The following FEZ1 variants were observed in gnomAD, a reference collection of about 807,000 sequenced individuals.
FEZ1 encodes the protein fasciculation and elongation protein zeta 1.
Under a neutral mutation model 49.3 loss-of-function variants are expected in FEZ1, and 20 were observed. The observed-to-expected ratio is 0.41, with a 90% CI of 0.29 to 0.59. The LOEUF is 0.59. FEZ1 is among the 20% of genes least tolerant of loss of function. The pLI is 0.36. For missense variants in FEZ1, 413 were observed against 476.0 expected, an observed-to-expected ratio of 0.87 and a Z score of 1.23; for synonymous variants, 170 against 180.9, an observed-to-expected ratio of 0.94 and a Z score of 0.48.
rs998577234 is a variant in FEZ1, at chr11:125,447,753, C to T, written c.1162+749G>A. Among the ~76,000 whole-genome samples the T allele has an allele frequency of 8.7e-5, 13 of 149,372 alleles. No homozygotes were observed. The Admixed American group carries it at 8.8e-4, about 10-fold the overall frequency. On this transcript the variant is annotated intron_variant, in intron 9 of 9. Coordinates refer to ENST00000278919, the MANE Select transcript of FEZ1 (RefSeq NM_005103.5). ...AGGAGAATTGCTTGAATCCAGGAGG[C>T]GGAGGTTGTAGTGAGCTGAGATCAC...
intron 3 of FEZ1, among the ~76,000 whole-genome samples, chr11:125,473,818 CAAAAAAA>C (rs141159400): frequency 2.0e-5 from 2 of 102,108 alleles, no homozygotes; most frequent in Admixed American, 1.0e-4. Context: ...GACTCCATTT[CAAAAAAA>C]AAAAAAAAAA....
intron 4 of FEZ1, among the ~76,000 whole-genome samples, chr11:125,461,933 C>G (rs192879361): frequency 2.9e-4 from 44 of 152,346 alleles, no homozygotes; most frequent in African/African-American, 8.9e-4. Context: ...CAGAATGCAA[C>G]CAAATGACAC....
In FEZ1 at chr11:125,489,483, TCTC is replaced by T. The variant is rs1319083074; in HGVS notation, c.292_294del (p.Glu98del). 8 of 1,612,924 alleles carry T rather than the reference TCTC, an allele frequency of 5.0e-6. No homozygotes were observed. Among genetic ancestry groups the T allele is most frequent in the Non-Finnish European group, 6.8e-6 (8 of 1,179,626 alleles). On this transcript the variant is annotated inframe_deletion, in exon 2 of 10. Coordinates refer to ENST00000278919, the MANE Select transcript of FEZ1 (RefSeq NM_005103.5). The surrounding 1 kb of genome is among the most constrained non-coding windows in gnomAD (Gnocchi z 4.2). ...ACTTCTTACTCCTCGTCCTGAAGGGTCTCCTCCTCCTCTTGGATCTGTAACTGG... is the reference window on the plus strand; with the variant it reads ...ACTTCTTACTCCTCGTCCTGAAGGGTCTCCTCCTCTTGGATCTGTAACTGG...
intron 3 of FEZ1, among the ~76,000 whole-genome samples, chr11:125,466,747 T>C (rs745825308): frequency 9.7e-4 from 148 of 152,318 alleles, no homozygotes; most frequent in Non-Finnish European, 1.8e-3. Flanking sequence ...TTGCTAAATC[T>C]TGCTGCACAG....
rs539663953 is a variant in FEZ1 at position 125,478,580 on chromosome 11, T to C, written c.411+2954A>G. Among the ~76,000 whole-genome samples the C allele has an allele frequency of 2.0e-5, 3 of 152,378 alleles. No individual in the cohort carries two copies. The East Asian group carries it at 5.8e-4, about 29-fold the overall frequency. ...GTTTTACAGAAGGAATACAGAGCACTGGTTAATCTGGTAAATCGTTTAAAC... is the reference window on the plus strand; with the variant it reads ...GTTTTACAGAAGGAATACAGAGCACCGGTTAATCTGGTAAATCGTTTAAAC... On this transcript the variant is annotated intron_variant, in intron 3 of 9. Coordinates refer to ENST00000278919, the MANE Select transcript of FEZ1 (RefSeq NM_005103.5).
chr11:125,461,660 A>ATAAAGAAG (rs1434257448), intron 4 of FEZ1, among the ~76,000 whole-genome samples: 1 of 152,238 alleles, frequency 6.6e-6, no homozygotes. Flanking sequence ...TTATTTACAA[A>ATAAAGAAG]TAAAGAAGAC....
rs780966312 is a variant in FEZ1, at chr11:125,443,557, G to A, written c.*2538C>T. ...AGAAGAGCTGCCTCCCTTTTAAAGG[G>A]AGACCTTGTTAAAATGCAAATTCTG... is the stretch of plus-strand genomic sequence containing the variant. On this transcript the variant is annotated 3_prime_UTR_variant, in exon 10 of 10. Coordinates refer to ENST00000278919, the MANE Select transcript of FEZ1 (RefSeq NM_005103.5). 1.3e-5 allele frequency among the ~76,000 whole-genome samples: 2 copies of A among 152,202 alleles called. No homozygotes were observed. Among genetic ancestry groups the A allele is most frequent in the South Asian group, 4.1e-4 (2 of 4,836 alleles).
At chr11:125,457,477 T>C (rs1957027830) in intron 5 of FEZ1, among the ~76,000 whole-genome samples, 1 of 59,936 alleles carries the variant, frequency 1.7e-5, no homozygotes, top group Non-Finnish European at 3.8e-5. Context: ...TATATGTATA[T>C]ATACACATAT....
Position 125,443,900 on chromosome 11 carries a change from C to T in FEZ1, c.*2195G>A, listed in dbSNP as rs904996911. Among the ~76,000 whole-genome samples, 1 of 152,138 alleles carries T rather than the reference C, an allele frequency of 6.6e-6. No individual in the cohort carries two copies. Among genetic ancestry groups the T allele is most frequent in the African/African-American group, 2.4e-5 (1 of 41,434 alleles). ...CTCTGCCGCTTCAGACACCTGCTGG[C>T]AGGATAAATTGGGGGAAAGGAGTGG... On this transcript the variant is annotated 3_prime_UTR_variant, in exon 10 of 10. Coordinates refer to ENST00000278919, the MANE Select transcript of FEZ1 (RefSeq NM_005103.5).
chr11:125,457,438 A>ATG (rs1276000440), intron 5 of FEZ1, among the ~76,000 whole-genome samples: 100 of 85,782 alleles, frequency 1.2e-3, no homozygotes, highest in Middle Eastern at 5.2e-3. Flanking sequence ...AAATATATAT[A>ATG]TATATATATA....
intron 4 of FEZ1, 88 bp from the exon 5 acceptor site, chr11:125,460,754 A>T: frequency 8.9e-7 from 1 of 1,120,756 alleles, no homozygotes; most frequent in African/African-American, 1.6e-5. Context: ...GGATGTTCCT[A>T]ATTAGCTATC....
At chr11:125,485,670 T>C (rs1219410036) in intron 2 of FEZ1, among the ~76,000 whole-genome samples, 1 of 151,974 alleles carries the variant, frequency 6.6e-6, no homozygotes, top group African/African-American at 2.4e-5. Context: ...GCGTGGTGGC[T>C]CACGCCTGTA....
intron 9 of FEZ1, among the ~76,000 whole-genome samples, chr11:125,446,377 T>C (rs1956899237): frequency 6.6e-6 from 1 of 152,236 alleles, no homozygotes. Context: ...CACCTTTCCA[T>C]GCTTGTTTCT....
chr11:125,489,699 G>A lies in FEZ1; in HGVS notation c.79C>T (p.Pro27Ser), dbSNP rs772788152. ...PSCSEDPEEK[P>S]QCFYGSSPHH... ...GGAGATGAACCATAGAAACACTGGG[G>A]CTTCTCCTCCGGGTCCTCCGAGCAG... Residue 27 changes from proline to serine, a missense_variant, in exon 2 of 10, where the codon CCC (proline) becomes TCC (serine). Pro to Ser is a moderately conservative substitution (Grantham distance 74). Transcript: ENST00000278919. The surrounding 1 kb of genome is among the most constrained non-coding windows in gnomAD (Gnocchi z 4.2). 6 of 1,612,866 alleles carry A rather than the reference G, an allele frequency of 3.7e-6. No homozygotes were observed. The East Asian group carries it at 1.3e-4, about 36-fold the overall frequency.
rs531452311 is a variant in FEZ1, at chr11:125,463,811, G to A, written c.412-241C>T. 4.6e-5 allele frequency among the ~76,000 whole-genome samples: 7 copies of A among 152,290 alleles called. No individual in the cohort carries two copies. The South Asian group carries it at 8.3e-4, about 18-fold the overall frequency. On this transcript the variant is annotated intron_variant, in intron 3 of 9. Coordinates refer to ENST00000278919, the MANE Select transcript of FEZ1 (RefSeq NM_005103.5). ...TGAATCCAACTTGGCAGGAAAAGAC[G>A]ACAGGGGAATGGCCAGCACCATTCT...
In FEZ1 at chr11:125,444,174, G is replaced by A. The variant is rs895892715; in HGVS notation, c.*1921C>T. 1.3e-5 allele frequency among the ~76,000 whole-genome samples: 2 copies of A among 152,192 alleles called. No individual in the cohort carries two copies. The highest frequency in any genetic ancestry group is 4.8e-5 in the African/African-American group (2 of 41,444). Reference sequence around the variant, plus strand: ...CTGTGGCAGCCGGGGCTCTATCTATGGAGAAGCTCTGCTCTGGGCAGATGC... The same window carrying A: ...CTGTGGCAGCCGGGGCTCTATCTATAGAGAAGCTCTGCTCTGGGCAGATGC... On this transcript the variant is annotated 3_prime_UTR_variant, in exon 10 of 10. Transcript: ENST00000278919.
At chr11:125,468,716 G>T (rs546347311) in intron 3 of FEZ1, among the ~76,000 whole-genome samples, 1 of 152,242 alleles carries the variant, frequency 6.6e-6, no homozygotes, top group African/African-American at 2.4e-5. Flanking sequence ...GCTCAGCAGG[G>T]TTAAACTTGG....
Position 125,495,425 on chromosome 11 carries a change from G to C in FEZ1, c.-46+696C>G. The stretch of plus-strand genomic sequence containing the variant: ...GTCAAACACTGCTCCCCGCATTCCA[G>C]AGCCCGGGGCCCACCCGACGGCAGC... On this transcript the variant is annotated intron_variant, in intron 1 of 9. Transcript: ENST00000278919. The surrounding 1 kb of genome is among the most constrained non-coding windows in gnomAD (Gnocchi z 4.2). The C allele has an allele frequency of 2.1e-6, 1 of 470,878 alleles. No individual in the cohort carries two copies. The allele number at this position is 470,878 out of a possible 1,614,324, so 29.2% of individuals were successfully genotyped here.
chr11:125,449,654 G>A (rs1956935592), intron 8 of FEZ1, among the ~76,000 whole-genome samples: 1 of 152,072 alleles, frequency 6.6e-6, no homozygotes, highest in Admixed American at 6.6e-5. Context: ...GCATTTCTGT[G>A]GGGTCTGGCT....
Sources: allele counts gnomAD v4.1 joint callset (sites outside exome capture counted in the v4.1 genomes callset), GRCh38; gene constraint gnomAD v4.1.1; non-coding constraint Gnocchi (gnomAD v3.1); transcripts MANE v1.5; gene names NCBI Gene and HGNC (gene_info 2026-07-23, HGNC 2026-07-21).